Variants in SLC9A9 observed in about 807,000 individuals in gnomAD.
SLC9A9 encodes the protein sodium/hydrogen exchanger 9.
SLC9A9 carries 62 observed loss-of-function variants against 77.8 expected under a neutral mutation model. The ratio of observed to expected loss-of-function variants is 0.80; its 90% CI spans 0.65 to 0.98. The LOEUF (loss-of-function observed/expected upper bound fraction) is 0.98. SLC9A9 is among the 50% of genes least tolerant of loss of function. The pLI is 0.00. For synonymous variants in SLC9A9, 320 were observed against 283.5 expected, an observed-to-expected ratio of 1.13 and a Z score of -1.29; for missense variants, 775 against 774.9, an observed-to-expected ratio of 1.00 and a Z score of 0.00.
chr3:143,602,823 C>G (rs1448151687), intron 6 of SLC9A9, among the ~76,000 whole-genome samples: 3 of 152,206 alleles, frequency 2.0e-5, no homozygotes. Flanking sequence ...TCAGTTTCAA[C>G]TCTGTCCCTG....
rs564306119 is a variant in SLC9A9, at chr3:143,569,253, C to G, written c.1000+4835G>C. ...GAATATGGGGAAGAGGAGTGAAAGA[C>G]TGACCTACTAGATATTAAAATAAAC... is the stretch of plus-strand genomic sequence containing the variant. On this transcript the variant is annotated intron_variant, in intron 8 of 15. Coordinates refer to ENST00000316549, the MANE Select transcript of SLC9A9 (RefSeq NM_173653.4). Among the ~76,000 whole-genome samples, 3 of 151,320 alleles carry G rather than the reference C, an allele frequency of 2.0e-5. No individual in the cohort carries two copies. In the Admixed American group the frequency reaches 2.0e-4, roughly 10 times the overall value.
chr3:143,576,857 A>G (rs1306732815), intron 7 of SLC9A9, among the ~76,000 whole-genome samples: 2 of 152,068 alleles, frequency 1.3e-5, no homozygotes, highest in East Asian at 3.9e-4. Context: ...AACCAGCACT[A>G]CCTCTTCTGA....
intron 5 of SLC9A9, among the ~76,000 whole-genome samples, chr3:143,666,555 G>T (rs1197291909): frequency 6.6e-6 from 1 of 152,198 alleles, no homozygotes; most frequent in African/African-American, 2.4e-5. Flanking sequence ...GTCCCTGTTT[G>T]CAGATGACAT....
chr3:143,299,950 G>A (rs2030445963), intron 14 of SLC9A9, among the ~76,000 whole-genome samples: 1 of 152,164 alleles, frequency 6.6e-6, no homozygotes, highest in Non-Finnish European at 1.5e-5. Flanking sequence ...CCAACAATTG[G>A]CAAAATGTAT....
chr3:143,758,212 T>C (rs1418280663), intron 4 of SLC9A9, among the ~76,000 whole-genome samples: 1 of 152,214 alleles, frequency 6.6e-6, no homozygotes, highest in Non-Finnish European at 1.5e-5. Context: ...CTGGTATGGA[T>C]ATAATTAGCT....
chr3:143,442,520 A>T (rs2034762741), intron 12 of SLC9A9, among the ~76,000 whole-genome samples: 1 of 152,176 alleles, frequency 6.6e-6, no homozygotes, highest in Non-Finnish European at 1.5e-5. Context: ...TAGGAGTTCA[A>T]GGCCAGCATG....
chr3:143,507,053 TTCC>T (rs1373418910), intron 9 of SLC9A9, among the ~76,000 whole-genome samples: 5 of 152,022 alleles, frequency 3.3e-5, no homozygotes, highest in Admixed American at 2.6e-4. Context: ...GCTGACCTCC[TTCC>T]TTATTCATCT....
chr3:143,778,540 G>A (rs763575748), intron 4 of SLC9A9, among the ~76,000 whole-genome samples: 35 of 151,964 alleles, frequency 2.3e-4, no homozygotes, highest in Admixed American at 2.0e-4. Flanking sequence ...TACATCCCTT[G>A]TAATCTCATA....
At chr3:143,765,275 G>A (rs1329488385) in intron 4 of SLC9A9, among the ~76,000 whole-genome samples, 1 of 151,600 alleles carries the variant, frequency 6.6e-6, no homozygotes, top group Non-Finnish European at 1.5e-5. Context: ...CTGGGCTCAA[G>A]GGATTCTCCT....
At chr3:143,800,595 T>C (rs2008524063) in intron 2 of SLC9A9, among the ~76,000 whole-genome samples, 1 of 152,230 alleles carries the variant, frequency 6.6e-6, no homozygotes, top group South Asian at 2.1e-4. Flanking sequence ...TGCTTTTACC[T>C]GGACTGACCC....
chr3:143,615,563 A>T (rs911047405), intron 6 of SLC9A9, among the ~76,000 whole-genome samples: 1 of 151,668 alleles, frequency 6.6e-6, no homozygotes, highest in Admixed American at 6.6e-5. Flanking sequence ...CTGGAATTGG[A>T]TGGAAGAGGA....
chr3:143,508,555 A>G (rs75315365), intron 9 of SLC9A9, among the ~76,000 whole-genome samples: 4,576 of 152,318 alleles, frequency 0.03, 72 homozygotes, highest in Non-Finnish European at 0.037. Context: ...TTCTCAATAA[A>G]CATTTTCATT....
chr3:143,695,520 C>T (rs545575106), intron 4 of SLC9A9, among the ~76,000 whole-genome samples: 2 of 152,210 alleles, frequency 1.3e-5, no homozygotes, highest in East Asian at 3.9e-4. Context: ...TGAATTCATC[C>T]TTTTCATGGC....
intron 12 of SLC9A9, among the ~76,000 whole-genome samples, chr3:143,392,843 GAGACAAAGAAGGCCA>G: frequency 6.6e-6 from 1 of 152,124 alleles, no homozygotes; most frequent in Non-Finnish European, 1.5e-5. Context: ...AAGATCAAAA[GAGACAAAGAAGGCCA>G]TTACATAATG....
chr3:143,441,478 C>T (rs187310530), intron 12 of SLC9A9, among the ~76,000 whole-genome samples: 1 of 152,318 alleles, frequency 6.6e-6, no homozygotes, highest in East Asian at 1.9e-4. Flanking sequence ...TCTTACTAGA[C>T]ATTGGTCTCT....
Position 143,432,783 on chromosome 3 carries a change from A to AC in SLC9A9, c.1469+34253dup, listed in dbSNP as rs1576493518. 4.6e-5 allele frequency among the ~76,000 whole-genome samples: 7 copies of AC among 152,230 alleles called. No homozygotes were observed. In the East Asian group the frequency reaches 1.4e-3, roughly 29 times the overall value. On this transcript the variant is annotated intron_variant, in intron 12 of 15. Transcript: ENST00000316549. ...GCTCGGACTACAGGTATATACCCCC[A>AC]CACCCGGCTAATTTTTGTATTTTTA...
At chr3:143,770,263 A>G (rs1039497133) in intron 4 of SLC9A9, among the ~76,000 whole-genome samples, 4 of 152,198 alleles carry the variant, frequency 2.6e-5, no homozygotes, top group Non-Finnish European at 5.9e-5. Context: ...GGAAGAGAAA[A>G]TAGCAATATT....
chr3:143,629,735 A>G (rs897930530), intron 6 of SLC9A9, among the ~76,000 whole-genome samples: 1 of 152,128 alleles, frequency 6.6e-6, no homozygotes, highest in Non-Finnish European at 1.5e-5. Context: ...GAATGGTGGG[A>G]TGTTTTAGGT....
At chr3:143,617,100 C>A (rs1351626727) in intron 6 of SLC9A9, among the ~76,000 whole-genome samples, 1 of 152,074 alleles carries the variant, frequency 6.6e-6, no homozygotes, top group Non-Finnish European at 1.5e-5. Context: ...ATGATGGATG[C>A]CTAGGGAATG....
Sources: allele counts gnomAD v4.1 joint callset (sites outside exome capture counted in the v4.1 genomes callset), GRCh38; gene constraint gnomAD v4.1.1; transcripts MANE v1.5; gene names NCBI Gene and HGNC (gene_info 2026-07-23, HGNC 2026-07-21).